Variants in ADAMTS17 observed in about 807,000 individuals in gnomAD.
ADAMTS17 encodes the protein ADAM metallopeptidase with thrombospondin type 1 motif 17.
Under a neutral mutation model 141.5 loss-of-function variants are expected in ADAMTS17, and 113 were observed. The observed-to-expected ratio is 0.80, with a 90% CI of 0.69 to 0.93. The LOEUF is 0.93. Ranked by LOEUF, ADAMTS17 falls within the 40% of genes least tolerant of loss-of-function variation. The pLI is 0.00. For synonymous variants in ADAMTS17, 768 were observed against 630.6 expected, an observed-to-expected ratio of 1.22 and a Z score of -3.27; for missense variants, 1,659 against 1,517.9, an observed-to-expected ratio of 1.09 and a Z score of -1.54.
chr15:100,106,705 A>G (rs948342708), intron 14 of ADAMTS17, among the ~76,000 whole-genome samples: 4 of 152,184 alleles, frequency 2.6e-5, no homozygotes, highest in African/African-American at 9.7e-5. Context: ...TAAAGGGTGT[A>G]AGAACTCTAA....
chr15:99,989,043 A>G (rs549668940), intron 20 of ADAMTS17, among the ~76,000 whole-genome samples: 96 of 152,336 alleles, frequency 6.3e-4, no homozygotes, highest in Admixed American at 9.8e-4. Flanking sequence ...CCCAAAGACC[A>G]TCTACAGGAC....
intron 3 of ADAMTS17, among the ~76,000 whole-genome samples, chr15:100,314,665 T>G (rs1310776709): frequency 1.3e-5 from 2 of 151,332 alleles, no homozygotes; most frequent in African/African-American, 4.9e-5. Context: ...GAGCAAAGAG[T>G]TATTTTTGAG....
intron 7 of ADAMTS17, among the ~76,000 whole-genome samples, chr15:100,209,698 G>A (rs186886873): frequency 1.8e-4 from 28 of 152,156 alleles, no homozygotes; most frequent in Admixed American, 9.8e-4. Flanking sequence ...CAGGTGACTC[G>A]TGGCAGAATC....
At chr15:100,184,674 T>C (rs2040642659) in intron 8 of ADAMTS17, among the ~76,000 whole-genome samples, 1 of 152,022 alleles carries the variant, frequency 6.6e-6, no homozygotes, top group South Asian at 2.1e-4. Flanking sequence ...GTCTCTCCTC[T>C]GTGCCTCCTG....
At chr15:100,143,745 A>G (rs777774517) in intron 10 of ADAMTS17, among the ~76,000 whole-genome samples, 11 of 152,188 alleles carry the variant, frequency 7.2e-5, no homozygotes, top group Non-Finnish European at 1.6e-4. Context: ...AATTTTTCTC[A>G]GTTCTCCGGT....
In ADAMTS17 at chr15:99,973,904, T is replaced by G. The variant is rs2573651; in HGVS notation, c.*498A>C. ...AAGAAGGTAGATGGAGAGAAACGTG[T>G]GCTAAGCAGCCCGGCCCTCCCCAGA... is the stretch of plus-strand genomic sequence containing the variant. On this transcript the variant is annotated 3_prime_UTR_variant, in exon 22 of 22. Coordinates refer to ENST00000268070, the MANE Select transcript of ADAMTS17 (RefSeq NM_139057.4). 138,445 of 225,480 alleles carry G rather than the reference T, an allele frequency of 0.61. 43,408 individuals carry two copies. Among genetic ancestry groups the G allele is most frequent in the Non-Finnish European group, 0.63 (71,124 of 112,484 alleles). 14.0% of individuals were successfully genotyped at this position (225,480 alleles called of 1,614,324 possible). A position where few individuals can be genotyped will look rare whatever the true frequency, so the allele number is the denominator to read the frequency against.
chr15:100,051,810 A>C, intron 16 of ADAMTS17, 79 bp from the exon 17 acceptor site: 1 of 1,568,816 alleles, frequency 6.4e-7, no homozygotes, highest in Admixed American at 1.7e-5. Flanking sequence ...ACACACAGGC[A>C]CACTGCGGCT....
rs1467153901 is a variant in ADAMTS17, at chr15:100,341,774, G to A, written c.79+47C>T. 2 of 1,539,368 alleles carry A rather than the reference G, an allele frequency of 1.3e-6. 1 individual carries two copies. Among genetic ancestry groups the A allele is most frequent in the South Asian group, 2.4e-5 (2 of 83,218 alleles). ...GACGCCGCGAGAACGCAGAGGGAAG[G>A]TAGCCGCAGGACGCGGGGTGAAGAG... On this transcript the variant is annotated intron_variant, in intron 1 of 21. Transcript: ENST00000268070.
chr15:99,983,415 A>C (rs2060520939), intron 20 of ADAMTS17, among the ~76,000 whole-genome samples: 1 of 151,586 alleles, frequency 6.6e-6, no homozygotes, highest in South Asian at 2.1e-4. Context: ...TGCCCGTACC[A>C]CCCCCAACAG....
rs777479952 is a variant in ADAMTS17 at position 100,198,666 on chromosome 15, G to A, written c.1181+652C>T. 7.9e-4 allele frequency among the ~76,000 whole-genome samples: 121 copies of A among 152,298 alleles called. 1 individual carries two copies. Among genetic ancestry groups the A allele is most frequent in the Middle Eastern group, 3.4e-3 (1 of 294 alleles). On this transcript the variant is annotated intron_variant, in intron 8 of 21. Transcript: ENST00000268070. ...ACAACCCTCAGGCCACAGTTTGAGCGTCGTCTGGCTTTCTGCCGCTTGAGG... is the reference window on the plus strand; with the variant it reads ...ACAACCCTCAGGCCACAGTTTGAGCATCGTCTGGCTTTCTGCCGCTTGAGG...
At chr15:99,985,368 G>A (rs1001690137) in intron 20 of ADAMTS17, among the ~76,000 whole-genome samples, 2 of 152,226 alleles carry the variant, frequency 1.3e-5, no homozygotes, top group East Asian at 1.9e-4. Flanking sequence ...AGGGTCCCCA[G>A]TGCCTTGTGC....
At chr15:100,024,856 T>C (rs768795929) in intron 18 of ADAMTS17, among the ~76,000 whole-genome samples, 20 of 152,344 alleles carry the variant, frequency 1.3e-4, no homozygotes, top group Non-Finnish European at 2.2e-4. Flanking sequence ...CACGTGACCT[T>C]GACAAATACA....
At chr15:100,034,173 A>G (rs553645767) in intron 18 of ADAMTS17, among the ~76,000 whole-genome samples, 9 of 152,376 alleles carry the variant, frequency 5.9e-5, no homozygotes, top group African/African-American at 2.2e-4. Context: ...GGTAGACTCC[A>G]GGATTACAAT....
chr15:100,055,109 G>A (rs927842574), intron 15 of ADAMTS17, among the ~76,000 whole-genome samples: 6 of 152,128 alleles, frequency 3.9e-5, no homozygotes, highest in South Asian at 2.1e-4. Flanking sequence ...GGGAACTCCA[G>A]GGCACCCTCA....
At chr15:100,194,560 C>T (rs886605554) in intron 8 of ADAMTS17, among the ~76,000 whole-genome samples, 26 of 152,172 alleles carry the variant, frequency 1.7e-4, no homozygotes, top group African/African-American at 5.8e-4. Flanking sequence ...CTTTTTCTCA[C>T]GGGCAGTCAG....
intron 6 of ADAMTS17, among the ~76,000 whole-genome samples, chr15:100,259,878 CTT>C (rs2043455826): frequency 6.6e-6 from 1 of 152,260 alleles, no homozygotes; most frequent in Admixed American, 6.5e-5. Context: ...GAGTTTCACT[CTT>C]GTCACCCAGG....
intron 20 of ADAMTS17, among the ~76,000 whole-genome samples, chr15:99,992,472 C>G (rs1257996382): frequency 2.6e-5 from 4 of 152,206 alleles, no homozygotes; most frequent in Non-Finnish European, 5.9e-5. Flanking sequence ...TCAAATATAT[C>G]AGATGAATGA....
chr15:100,195,620 A>G (rs1015702309), intron 8 of ADAMTS17, among the ~76,000 whole-genome samples: 15 of 149,746 alleles, frequency 1.0e-4, no homozygotes, highest in Non-Finnish European at 1.9e-4. Context: ...TCTCAAAAAA[A>G]AAAAAAAAAA....
chr15:100,147,473 G>A (rs1168822391), intron 10 of ADAMTS17, among the ~76,000 whole-genome samples: 5 of 152,156 alleles, frequency 3.3e-5, no homozygotes, highest in African/African-American at 7.2e-5. Context: ...CCTGTATAGC[G>A]TGGTACTGTA....
Sources: gnomAD v4.1 joint callset for allele counts (sites outside exome capture counted in the v4.1 genomes callset) on GRCh38, gnomAD v4.1.1 for gene constraint, MANE v1.5 for transcripts, NCBI Gene and HGNC (gene_info 2026-07-23, HGNC 2026-07-21) for gene names.